Variants in NTNG1 observed in about 807,000 individuals in gnomAD.
The protein encoded by NTNG1 is netrin G1.
Under a neutral mutation model 54.0 loss-of-function variants are expected in NTNG1, and 16 were observed. That is an observed-to-expected ratio of 0.30 (90% CI 0.20 to 0.45). The LOEUF (loss-of-function observed/expected upper bound fraction) is 0.45, where lower values mean the gene tolerates loss of function less well. NTNG1 is among the 20% of genes least tolerant of loss of function. NTNG1 has a pLI of 1.00. For synonymous variants in NTNG1, 255 were observed against 263.1 expected, an observed-to-expected ratio of 0.97 and a Z score of 0.30; for missense variants, 530 against 678.7, an observed-to-expected ratio of 0.78 and a Z score of 2.43.
intron 2 of NTNG1, among the ~76,000 whole-genome samples, chr1:107,187,997 C>G (rs1029254641): frequency 6.6e-6 from 1 of 152,070 alleles, no homozygotes; most frequent in African/African-American, 2.4e-5. Flanking sequence ...CATGATCATA[C>G]AAAGGACTGA....
At position 107,442,932 on chromosome 1, in the gene NTNG1, C is replaced by A. The variant is rs139075296; in HGVS notation, c.1390+6133C>A. Reference sequence around the variant, plus strand: ...GAGATGGGTTTCAATTTAGCATTTTCCAACAGTTACGCTTTCTAGGTGTCT... The same window carrying A: ...GAGATGGGTTTCAATTTAGCATTTTACAACAGTTACGCTTTCTAGGTGTCT... On this transcript the variant is annotated intron_variant, in intron 7 of 7. Transcript: ENST00000370068. 1.3e-3 allele frequency among the ~76,000 whole-genome samples: 202 copies of A among 152,174 alleles called. 5 individuals are homozygous for A. The South Asian group carries it at 0.024, about 18-fold the overall frequency.
chr1:107,260,125 G>A (rs531815724), intron 2 of NTNG1, among the ~76,000 whole-genome samples: 1 of 152,298 alleles, frequency 6.6e-6, no homozygotes, highest in Non-Finnish European at 1.5e-5. Context: ...ATAGTAAACA[G>A]TGATTGAAAA....
rs774889917 is a variant in NTNG1, at chr1:107,324,612, G to T, written c.577G>T (p.Val193Leu). ...TGCTTTTCACATGGATCCTAAATCCGTGAAGGATTTATCACAGCATACGGT... is the reference window on the plus strand; with the variant it reads ...TGCTTTTCACATGGATCCTAAATCCTTGAAGGATTTATCACAGCATACGGT... ...LDAFHMDPKS[V>L]KDLSQHTVLE... The change falls in exon 3 of 8, where the codon GTG (valine) becomes TTG (leucine). Residue 193 changes from valine (V) to leucine (L), a missense_variant. This residue lies in a region of NTNG1 where 318 missense variants were observed against 465.1 expected (regional missense o/e 0.68). Transcript: ENST00000370068. The T allele has an allele frequency of 6.2e-7, 1 of 1,613,282 alleles. No homozygotes were observed. Among genetic ancestry groups the T allele is most frequent in the Admixed American group, 1.7e-5 (1 of 59,888 alleles).
intron 5 of NTNG1, chr1:107,408,988 G>A (rs183661592): frequency 3.3e-5 from 5 of 152,222 alleles, no homozygotes; most frequent in Admixed American, 6.5e-5. Flanking sequence ...TTTGTTAAGC[G>A]CTAGATGTGG....
intron 3 of NTNG1, among the ~76,000 whole-genome samples, chr1:107,332,863 T>A (rs1389434914): frequency 6.6e-6 from 1 of 152,102 alleles, no homozygotes; most frequent in African/African-American, 2.4e-5. Flanking sequence ...TCATGGTTAC[T>A]ATTTCTACCT....
chr1:107,286,702 C>CAACAAAGT (rs1451176956), intron 2 of NTNG1, among the ~76,000 whole-genome samples: 1 of 152,068 alleles, frequency 6.6e-6, no homozygotes, highest in East Asian at 1.9e-4. Flanking sequence ...GTGTATACTC[C>CAACAAAGT]AACAAAGTTA....
chr1:107,194,076 GCATT>G (rs1658150811), intron 2 of NTNG1, among the ~76,000 whole-genome samples: 1 of 151,858 alleles, frequency 6.6e-6, no homozygotes. Context: ...AACAGACCAT[GCATT>G]CTGGTCTTTG....
chr1:107,371,233 T>C (rs1444532485), intron 3 of NTNG1, among the ~76,000 whole-genome samples: 1 of 152,090 alleles, frequency 6.6e-6, no homozygotes, highest in Admixed American at 6.6e-5. Context: ...TGGTTTTTCT[T>C]TCTTAGTTTG....
intron 7 of NTNG1, among the ~76,000 whole-genome samples, chr1:107,472,723 GTTT>G (rs775694415): frequency 6.6e-6 from 1 of 151,500 alleles, no homozygotes; most frequent in East Asian, 1.9e-4. Flanking sequence ...AAGAAAAAAG[GTTT>G]TTTTTTGTTT....
intron 2 of NTNG1, among the ~76,000 whole-genome samples, chr1:107,316,994 C>T (rs979266789): frequency 6.6e-6 from 1 of 152,198 alleles, no homozygotes; most frequent in Non-Finnish European, 1.5e-5. Context: ...CAAGATCAAG[C>T]GATCACTTCA....
intron 2 of NTNG1, among the ~76,000 whole-genome samples, chr1:107,155,086 A>G (rs1356241357): frequency 6.6e-6 from 1 of 152,102 alleles, no homozygotes; most frequent in Non-Finnish European, 1.5e-5. Context: ...CTAAAGCATC[A>G]GTCTCTCTGG....
chr1:107,226,161 T>C (rs1660662003), intron 2 of NTNG1, among the ~76,000 whole-genome samples: 1 of 152,168 alleles, frequency 6.6e-6, no homozygotes, highest in Non-Finnish European at 1.5e-5. Flanking sequence ...GTCAATTGTG[T>C]AGCAAAAACA....
intron 7 of NTNG1, among the ~76,000 whole-genome samples, chr1:107,438,529 G>A (rs1405605509): frequency 6.6e-6 from 1 of 152,080 alleles, no homozygotes; most frequent in African/African-American, 2.4e-5. Flanking sequence ...CAACAGTCAG[G>A]AGAAGAGGAG....
intron 7 of NTNG1, among the ~76,000 whole-genome samples, chr1:107,439,687 T>C (rs1675842821): frequency 6.6e-6 from 1 of 152,036 alleles, no homozygotes; most frequent in Non-Finnish European, 1.5e-5. Flanking sequence ...ATAGAAATTC[T>C]TCTGTCAGTT....
At chr1:107,333,539 A>G (rs1668401302) in intron 3 of NTNG1, among the ~76,000 whole-genome samples, 1 of 152,010 alleles carries the variant, frequency 6.6e-6, no homozygotes, top group African/African-American at 2.4e-5. Context: ...GTCAAAAAAC[A>G]TATATTAGTA....
chr1:107,427,253 A>T (rs193129527), intron 5 of NTNG1, among the ~76,000 whole-genome samples: 1 of 152,062 alleles, frequency 6.6e-6, no homozygotes, highest in Non-Finnish European at 1.5e-5. Context: ...TGGGATCAAG[A>T]TTTCCTTATA....
rs978886696 is a variant in NTNG1 at position 107,184,948 on chromosome 1, G to T, written c.246+36109G>T. Among the ~76,000 whole-genome samples the T allele has an allele frequency of 1.2e-4, 18 of 152,240 alleles. No homozygotes were observed. The South Asian group carries it at 3.7e-3, about 32-fold the overall frequency. ...CCACTGGGAGAACTCAACAGCTGGG[G>T]ACAAGTTGACATCTGGGATTGGGAT... On this transcript the variant is annotated intron_variant, in intron 2 of 7. Transcript: ENST00000370068.
At chr1:107,463,057 C>G (rs1388863831) in intron 7 of NTNG1, among the ~76,000 whole-genome samples, 2 of 152,182 alleles carry the variant, frequency 1.3e-5, no homozygotes, top group Non-Finnish European at 2.9e-5. Context: ...TCAAACAAAC[C>G]AGGAAAGTAG....
chr1:107,179,231 A>G (rs1414016751), intron 2 of NTNG1, among the ~76,000 whole-genome samples: 1 of 152,082 alleles, frequency 6.6e-6, no homozygotes. Flanking sequence ...TGGTTCTTTT[A>G]TTCATTTATT....
Sources: allele counts gnomAD v4.1 joint callset (sites outside exome capture counted in the v4.1 genomes callset), GRCh38; gene constraint gnomAD v4.1.1; regional missense constraint gnomAD v4.1.1; transcripts MANE v1.5; gene names NCBI Gene and HGNC (gene_info 2026-07-23, HGNC 2026-07-21).